NBAS: variants seen among roughly 807,000 people sequenced by gnomAD.
The protein encoded by NBAS is NBAS subunit of NRZ tethering complex.
Under a neutral mutation model 302.5 loss-of-function variants are expected in NBAS, and 219 were observed. The observed-to-expected ratio is 0.72, with a 90% CI of 0.65 to 0.81. The LOEUF (loss-of-function observed/expected upper bound fraction) is 0.81. NBAS is among the 30% of genes least tolerant of loss of function. The pLI is 0.00. For missense variants in NBAS, 2,932 were observed against 2,841.6 expected, an observed-to-expected ratio of 1.03 and a Z score of -0.72; for synonymous variants, 1,118 against 1,021.6, an observed-to-expected ratio of 1.09 and a Z score of -1.80.
the NBAS span, among the ~76,000 whole-genome samples, chr2:14,872,951 C>A: frequency 6.6e-6 from 1 of 152,214 alleles, no homozygotes; most frequent in East Asian, 1.9e-4. Context: ...GTGAGTGTTG[C>A]AGCTCATACA....
At chr2:14,942,808 A>G in the NBAS span, among the ~76,000 whole-genome samples, 2 of 152,318 alleles carry the variant, frequency 1.3e-5, no homozygotes, top group Middle Eastern at 3.4e-3. Context: ...ATCACAGCTG[A>G]GTCTCAATCT....
At chr2:14,909,177 G>A in the NBAS span, among the ~76,000 whole-genome samples, 3 of 151,760 alleles carry the variant, frequency 2.0e-5, no homozygotes, top group African/African-American at 4.8e-5. Flanking sequence ...AACATTAGCC[G>A]GGCATGGTGG....
At chr2:15,321,102 C>G (rs1195762995) in intron 38 of NBAS, among the ~76,000 whole-genome samples, 1 of 152,318 alleles carries the variant, frequency 6.6e-6, no homozygotes, top group East Asian at 1.9e-4. Flanking sequence ...ACATCTACAA[C>G]CATCTAATCT....
At chr2:15,330,030 T>C (rs11677882) in intron 36 of NBAS, among the ~76,000 whole-genome samples, 33,550 of 152,140 alleles carry the variant, frequency 0.22, 3,936 homozygotes, top group Middle Eastern at 0.38. Flanking sequence ...GACAGGAAAA[T>C]AATGCCTAAT....
chr2:15,333,387 C>T lies in NBAS; in HGVS notation c.4180-2622G>A, dbSNP rs537149107. 5.3e-5 allele frequency among the ~76,000 whole-genome samples: 8 copies of T among 152,206 alleles called. No homozygotes were observed. In the South Asian group the frequency reaches 8.3e-4, roughly 16 times the overall value. On this transcript the variant is annotated intron_variant, in intron 35 of 51. Coordinates refer to ENST00000281513, the MANE Select transcript of NBAS (RefSeq NM_015909.4). Reference sequence around the variant, plus strand: ...AGCCCAGCAAGAGACCTATAAACCACGCCAAAGAACCTCCATTGTCAACTA... The same window carrying T: ...AGCCCAGCAAGAGACCTATAAACCATGCCAAAGAACCTCCATTGTCAACTA...
At chr2:15,425,669 A>G (rs867947927) in intron 22 of NBAS, among the ~76,000 whole-genome samples, 1 of 152,126 alleles carries the variant, frequency 6.6e-6, no homozygotes, top group South Asian at 2.1e-4. Context: ...TGTTGTTAAC[A>G]TTCTTCCAGG....
At chr2:14,787,872 T>G in the NBAS span, among the ~76,000 whole-genome samples, 2 of 152,222 alleles carry the variant, frequency 1.3e-5, no homozygotes, top group Non-Finnish European at 2.9e-5. Flanking sequence ...TTGGCCTGCC[T>G]TGCTAGATTG....
Position 15,417,672 on chromosome 2 carries a change from C to G in NBAS, c.2618G>C (p.Arg873Pro), listed in dbSNP as rs372807975. The change falls in exon 24 of 52, where the codon CGG becomes CCG. Residue 873 changes from arginine (R) to proline (P), a missense_variant. Coordinates refer to ENST00000281513, the MANE Select transcript of NBAS (RefSeq NM_015909.4). ...GAGAACCAGCAAACCAGGAATATTCCGCTCCATCCCAAGTCGAATAAGTGA... is the reference window on the plus strand; with the variant it reads ...GAGAACCAGCAAACCAGGAATATTCGGCTCCATCCCAAGTCGAATAAGTGA... ...ALSLIRLGME[R>P]NIPGLLVLCD... is the part of the protein sequence containing the mutation. The G allele has an allele frequency of 6.2e-7, 1 of 1,613,860 alleles. No individual in the cohort carries two copies. Among genetic ancestry groups the G allele is most frequent in the Admixed American group, 1.7e-5 (1 of 60,010 alleles).
At chr2:15,548,497 C>T (rs1664225243) in intron 6 of NBAS, among the ~76,000 whole-genome samples, 1 of 151,906 alleles carries the variant, frequency 6.6e-6, no homozygotes, top group South Asian at 2.1e-4. Flanking sequence ...CAAAAAAATG[C>T]CGGGTGTGAT....
At chr2:15,137,575 T>C in the NBAS span, among the ~76,000 whole-genome samples, 1 of 152,174 alleles carries the variant, frequency 6.6e-6, no homozygotes, top group African/African-American at 2.4e-5. Context: ...CAAGAAAACA[T>C]CTGCATTCAA....
At chr2:14,971,627 G>A in the NBAS span, among the ~76,000 whole-genome samples, 1 of 151,850 alleles carries the variant, frequency 6.6e-6, no homozygotes, top group Non-Finnish European at 1.5e-5. Context: ...CTTCTTTCTG[G>A]CACCATGCCA....
the NBAS span, among the ~76,000 whole-genome samples, chr2:14,817,945 G>A: frequency 3.9e-5 from 6 of 152,020 alleles, no homozygotes; most frequent in African/African-American, 7.2e-5. Context: ...TGTGAGGTTC[G>A]CTATTCTCCA....
chr2:14,969,620 G>A, the NBAS span, among the ~76,000 whole-genome samples: 1,179 of 152,162 alleles, frequency 7.7e-3, 17 homozygotes, highest in African/African-American at 0.026. Flanking sequence ...CAGGTGATCC[G>A]CCTGCCTCGG....
At chr2:15,097,646 C>A in the NBAS span, among the ~76,000 whole-genome samples, 1 of 151,278 alleles carries the variant, frequency 6.6e-6, no homozygotes, top group Non-Finnish European at 1.5e-5. Flanking sequence ...AGAGAGCAGG[C>A]GAGCTTTCTG....
In NBAS at chr2:15,556,124, GC is replaced by G. The variant is rs1035899089; in HGVS notation, c.209+658del. On this transcript the variant is annotated intron_variant, in intron 3 of 51. Coordinates refer to ENST00000281513, the MANE Select transcript of NBAS (RefSeq NM_015909.4). ...ACACACACACATACATAGAGTAAAA[GC>G]AGAAAGACGTTGGAGCAAGTCCTAG... Among the ~76,000 whole-genome samples, 26 of 152,184 alleles carry G rather than the reference GC, an allele frequency of 1.7e-4. 1 individual carries two copies. Among genetic ancestry groups the G allele is most frequent in the Admixed American group, 1.2e-3 (18 of 15,278 alleles).
chr2:14,829,422 C>A, the NBAS span, among the ~76,000 whole-genome samples: 1 of 152,098 alleles, frequency 6.6e-6, no homozygotes, highest in Non-Finnish European at 1.5e-5. Context: ...ATACATAGAA[C>A]AAGGCAACTA....
Position 15,193,899 on chromosome 2 carries a change from C to T in NBAS, c.6433-3496G>A, listed in dbSNP as rs190814842. ...TAAACTATAGGAGTCATAAAAGAGA[C>T]AGTGAAGGGAAAATTCTGAAGAGTG... On this transcript the variant is annotated intron_variant, in intron 48 of 51. Transcript: ENST00000281513. Among the ~76,000 whole-genome samples, 17 of 152,002 alleles carry T rather than the reference C, an allele frequency of 1.1e-4. No homozygotes were observed. In the South Asian group the frequency reaches 2.5e-3, roughly 22 times the overall value.
intron 21 of NBAS, among the ~76,000 whole-genome samples, chr2:15,433,110 G>A (rs762521862): frequency 1.4e-4 from 22 of 152,126 alleles, no homozygotes; most frequent in Admixed American, 2.6e-4. Flanking sequence ...CCGCAATACT[G>A]CCTGCTCAAA....
chr2:14,878,697 T>C, the NBAS span, among the ~76,000 whole-genome samples: 8 of 152,318 alleles, frequency 5.3e-5, 1 homozygote, highest in South Asian at 6.2e-4. Context: ...TTAAAAGTAA[T>C]GGCAGTTCCC....
Sources: allele counts gnomAD v4.1 joint callset (sites outside exome capture counted in the v4.1 genomes callset), GRCh38; gene constraint gnomAD v4.1.1; transcripts MANE v1.5; gene names NCBI Gene and HGNC (gene_info 2026-07-23, HGNC 2026-07-21).